NEK5: variants seen among roughly 807,000 people sequenced by gnomAD.
The protein encoded by NEK5 is serine/threonine-protein kinase Nek5.
A neutral mutation model predicts 109.2 loss-of-function variants in NEK5; 88 were observed. The ratio of observed to expected loss-of-function variants is 0.81; its 90% CI spans 0.68 to 0.96. The LOEUF is 0.96. NEK5 is among the 40% of genes least tolerant of loss of function. The pLI, the probability that NEK5 is intolerant of heterozygous loss-of-function variation, is 0.00. For missense variants in NEK5, 834 were observed against 920.7 expected, an observed-to-expected ratio of 0.91 and a Z score of 1.22; for synonymous variants, 283 against 299.9, an observed-to-expected ratio of 0.94 and a Z score of 0.58.
At chr13:52,105,132 A>G (rs1955623711) in intron 8 of NEK5, among the ~76,000 whole-genome samples, 1 of 152,196 alleles carries the variant, frequency 6.6e-6, no homozygotes, top group Non-Finnish European at 1.5e-5. Context: ...TTAAATCTAA[A>G]AGATCAAAAA....
At chr13:52,058,106 T>C (rs1954578308) in intron 22 of NEK5, among the ~76,000 whole-genome samples, 1 of 149,752 alleles carries the variant, frequency 6.7e-6, no homozygotes, top group African/African-American at 2.5e-5. Context: ...CAGCAAAGTC[T>C]CAGGATACAA....
chr13:52,083,875 T>C (rs1955064540), intron 16 of NEK5, among the ~76,000 whole-genome samples: 1 of 152,136 alleles, frequency 6.6e-6, no homozygotes, highest in South Asian at 2.1e-4. Flanking sequence ...AGGCTGCCCA[T>C]CCCAGATCAG....
intron 23 of NEK5, among the ~76,000 whole-genome samples, chr13:52,039,491 T>C (rs1180864571): frequency 1.3e-5 from 2 of 152,226 alleles, no homozygotes; most frequent in African/African-American, 2.4e-5. Context: ...GGTATAAATT[T>C]ATTTTCGTTG....
chr13:52,075,803 A>G lies in NEK5; in HGVS notation c.1677T>C (p.Asn559=), dbSNP rs1351974231. 1 of 1,566,198 alleles carries G rather than the reference A, an allele frequency of 6.4e-7. No homozygotes were observed. The highest frequency in any genetic ancestry group is 2.3e-5 in the East Asian group (1 of 44,428). ...TTTCATCAGAAATACATTTGTCTAA[A>G]TTAATTTCAAATTTTACCCCCTTCT... ...KAKKGVKFEI[N]LDKCISDENI... is the part of the protein sequence containing the mutation. The change falls in exon 19 of 24, where the codon AAT becomes AAC. Residue 559 remains asparagine (N), a synonymous_variant. Transcript: ENST00000684899.
chr13:52,110,646 T>C (rs1425991070), intron 5 of NEK5, 69 bp from the exon 6 acceptor site: 1 of 853,494 alleles, frequency 1.2e-6, no homozygotes, highest in Admixed American at 2.2e-5. Context: ...CATGGTAACA[T>C]GCAAAAAGAT....
rs527664316 is a variant in NEK5, at chr13:52,099,186, TAC to T, written c.1026+555_1026+556del. Among the ~76,000 whole-genome samples, 125 of 152,262 alleles carry T rather than the reference TAC, an allele frequency of 8.2e-4. 1 individual carries two copies. Among genetic ancestry groups the T allele is most frequent in the African/African-American group, 2.9e-3 (122 of 41,538 alleles). On this transcript the variant is annotated intron_variant, in intron 12 of 23. Transcript: ENST00000684899. ...ACATCTCATATACCCCATAAATATATACACTTACTATGTACCCACAAAAATTT... is the reference window on the plus strand; with the variant it reads ...ACATCTCATATACCCCATAAATATATACTTACTATGTACCCACAAAAATTT...
At chr13:52,049,608 G>A (rs896965583) in intron 23 of NEK5, among the ~76,000 whole-genome samples, 1 of 151,574 alleles carries the variant, frequency 6.6e-6, no homozygotes, top group African/African-American at 2.4e-5. Flanking sequence ...CTGGCACATT[G>A]GAAGAATTGT....
intron 4 of NEK5, among the ~76,000 whole-genome samples, chr13:52,112,983 G>T (rs899443973): frequency 6.6e-6 from 1 of 151,984 alleles, no homozygotes; most frequent in Non-Finnish European, 1.5e-5. Flanking sequence ...AGATCATTTT[G>T]TTTTTTCCCA....
intron 4 of NEK5, among the ~76,000 whole-genome samples, chr13:52,117,504 T>A (rs1955883341): frequency 6.6e-6 from 1 of 152,184 alleles, no homozygotes; most frequent in Non-Finnish European, 1.5e-5. Context: ...AGAGGTTATG[T>A]ATACTGTAAA....
intron 22 of NEK5, among the ~76,000 whole-genome samples, chr13:52,061,567 C>A (rs1227356172): frequency 6.6e-6 from 1 of 152,122 alleles, no homozygotes; most frequent in Non-Finnish European, 1.5e-5. Context: ...AAGCCACTAG[C>A]CCTACTTAAA....
At chr13:52,084,766 T>A (rs1012954365) in intron 16 of NEK5, among the ~76,000 whole-genome samples, 1,615 of 40,066 alleles carry the variant, frequency 0.04, 2 homozygotes, top group East Asian at 0.066. Flanking sequence ...AGAGAGAGTG[T>A]GTGTGTGTGT....
chr13:52,037,100 T>A lies in NEK5; in HGVS notation c.2347A>T (p.Arg783Ter), dbSNP rs1209962586. ...ATCCCCTCTCTTTCTCTTGACTTTC[T>A]AGAGTCCTTAGAGGTACTGGAGGCC... ...EEASSTSKDS[R>*]KSREREGISM... The change falls in exon 24 of 24, where the codon AGA (arginine) becomes TGA (stop). Residue 783 changes from arginine to a stop codon, truncating the protein, a stop_gained. Transcript: ENST00000684899. LOFTEE classifies it high-confidence loss of function. The A allele has an allele frequency of 1.0e-6, 1 of 985,318 alleles. No individual in the cohort carries two copies. The highest frequency in any genetic ancestry group is 6.1e-5 in the Admixed American group (1 of 16,272). The allele number at this position is 985,318 out of a possible 1,614,324, so 61.0% of individuals were successfully genotyped here. A position where few individuals can be genotyped will look rare whatever the true frequency, so the allele number is the denominator to read the frequency against.
rs1420204298 is a variant in NEK5 at position 52,057,446 on chromosome 13, T to G, written c.2110+4373A>C. Reference sequence around the variant, plus strand: ...AGAGGGAATCCTCCCTAACTCATTTTATGAGGCCAGCATCATCCTGATACC... The same window carrying G: ...AGAGGGAATCCTCCCTAACTCATTTGATGAGGCCAGCATCATCCTGATACC... On this transcript the variant is annotated intron_variant, in intron 22 of 23. Transcript: ENST00000684899. Among the ~76,000 whole-genome samples, 1,006 of 152,066 alleles carry G rather than the reference T, an allele frequency of 6.6e-3. 8 individuals carry two copies. Among genetic ancestry groups the G allele is most frequent in the African/African-American group, 0.023 (964 of 41,498 alleles).
At chr13:52,082,426 C>T in intron 17 of NEK5, 1 of 799,694 alleles carries the variant, frequency 1.3e-6, no homozygotes, top group Non-Finnish European at 1.6e-6. Flanking sequence ...AAATATAACT[C>T]CTTGGAAAGT....
intron 22 of NEK5, among the ~76,000 whole-genome samples, chr13:52,059,935 C>T (rs1307654302): frequency 6.6e-6 from 1 of 151,248 alleles, no homozygotes; most frequent in Non-Finnish European, 1.5e-5. Flanking sequence ...GCACATGTAC[C>T]CTAAAACTTA....
chr13:52,099,669 A>G, intron 12 of NEK5, 74 bp downstream of exon 12: 71 of 1,516,524 alleles, frequency 4.7e-5, no homozygotes, highest in Non-Finnish European at 6.2e-5. Context: ...ACTCCGTCTC[A>G]AAACAAACAA....
intron 16 of NEK5, among the ~76,000 whole-genome samples, chr13:52,084,562 C>T (rs760069303): frequency 2.0e-5 from 3 of 151,670 alleles, no homozygotes; most frequent in Non-Finnish European, 4.4e-5. Context: ...TTTTTGAGAC[C>T]GAGTCTTGCT....
chr13:52,102,392 A>G (rs549801287), intron 9 of NEK5, 100 bp from the exon 10 acceptor site: 1 of 955,014 alleles, frequency 1.0e-6, no homozygotes, highest in Admixed American at 1.9e-5. Flanking sequence ...AAGCAAAACA[A>G]TGTTTTTAAA....
intron 4 of NEK5, among the ~76,000 whole-genome samples, chr13:52,116,406 T>C (rs1055328144): frequency 6.6e-6 from 1 of 152,052 alleles, no homozygotes; most frequent in Non-Finnish European, 1.5e-5. Flanking sequence ...CCAGGCACAG[T>C]ACTCACAGCA....
Sources: gnomAD v4.1 joint callset for allele counts (sites outside exome capture counted in the v4.1 genomes callset) on GRCh38, gnomAD v4.1.1 for gene constraint, MANE v1.5 for transcripts, NCBI Gene and HGNC (gene_info 2026-07-23, HGNC 2026-07-21) for gene names.